CCDC7: variants seen among roughly 807,000 people sequenced by gnomAD.
CCDC7 encodes the protein coiled-coil domain-containing protein 7.
CCDC7 carries 183 observed loss-of-function variants against 196.9 expected under a neutral mutation model. The observed-to-expected ratio is 0.93, with a 90% CI of 0.82 to 1.05. The LOEUF (loss-of-function observed/expected upper bound fraction) is 1.05. Ranked by LOEUF, CCDC7 falls within the 50% of genes least tolerant of loss-of-function variation. The pLI, the probability that CCDC7 is intolerant of heterozygous loss-of-function variation, is 0.00. For missense variants in CCDC7, 1,540 were observed against 1,482.2 expected (o/e 1.04, Z -0.64); for synonymous variants, 525 against 484.6 (o/e 1.08, Z -1.10).
intron 41 of CCDC7, among the ~76,000 whole-genome samples, chr10:32,861,758 G>C (rs9418032): frequency 5.9e-5 from 9 of 152,110 alleles, no homozygotes; most frequent in African/African-American, 1.9e-4. Flanking sequence ...AGGCAAAGGA[G>C]ATGAACAGAC....
intron 24 of CCDC7, among the ~76,000 whole-genome samples, chr10:32,707,354 A>C (rs4378295): frequency 0.083 from 12,613 of 152,246 alleles, 569 homozygotes; most frequent in East Asian, 0.16. Flanking sequence ...ACAAACCCAC[A>C]GCCAATATCA....
intron 9 of CCDC7, among the ~76,000 whole-genome samples, chr10:32,496,369 C>T (rs1456005986): frequency 1.3e-5 from 2 of 152,166 alleles, no homozygotes; most frequent in South Asian, 2.1e-4. Context: ...ATTGAATACA[C>T]TTTATTTCTT....
At chr10:32,672,392 G>T (rs1002254837) in intron 21 of CCDC7, among the ~76,000 whole-genome samples, 3 of 152,172 alleles carry the variant, frequency 2.0e-5, no homozygotes, top group African/African-American at 7.2e-5. Context: ...CTGTGACAAC[G>T]ATTCCCAATG....
intron 18 of CCDC7, among the ~76,000 whole-genome samples, chr10:32,624,984 G>GTTTTTTTTTT (rs35752534): frequency 9.7e-5 from 5 of 51,682 alleles, no homozygotes; most frequent in East Asian, 9.0e-4. Flanking sequence ...CTTTGCACAA[G>GTTTTTTTTTT]TTTTTTTTTT....
intron 5 of CCDC7, among the ~76,000 whole-genome samples, chr10:32,469,388 C>T (rs1021435531): frequency 3.9e-5 from 6 of 152,204 alleles, no homozygotes; most frequent in East Asian, 1.9e-4. Context: ...CTCCCAGCAA[C>T]GCAGGGCTAA....
intron 21 of CCDC7, among the ~76,000 whole-genome samples, chr10:32,680,580 G>C (rs921173272): frequency 1.3e-5 from 2 of 151,788 alleles, no homozygotes; most frequent in African/African-American, 4.8e-5. Flanking sequence ...TCCCTCCCCC[G>C]ACAGGCCCCA....
chr10:32,713,853 T>C (rs758657640), intron 25 of CCDC7, among the ~76,000 whole-genome samples: 10 of 152,246 alleles, frequency 6.6e-5, no homozygotes, highest in African/African-American at 2.4e-4. Context: ...ATGCTCAAGA[T>C]TTGCCAGTTA....
At chr10:32,474,019 A>G in exon 8 of CCDC7, 1 of 1,611,246 alleles carries the variant, frequency 6.2e-7, no homozygotes, top group Non-Finnish European at 8.5e-7. Context: ...CTGCAACAGA[A>G]CCACGTAAGT....
chr10:32,611,507 C>G (rs1010692479), intron 18 of CCDC7, among the ~76,000 whole-genome samples: 3 of 152,160 alleles, frequency 2.0e-5, no homozygotes, highest in Non-Finnish European at 4.4e-5. Context: ...TGCCTATGTC[C>G]TGAATGGTAT....
chr10:32,832,807 T>C (rs1301536323), intron 32 of CCDC7, among the ~76,000 whole-genome samples: 1 of 152,078 alleles, frequency 6.6e-6, no homozygotes, highest in African/African-American at 2.4e-5. Flanking sequence ...TCTTAATTGA[T>C]TTAAAATGTA....
intron 32 of CCDC7, among the ~76,000 whole-genome samples, chr10:32,831,261 G>C (rs964256249): frequency 6.6e-6 from 1 of 150,476 alleles, no homozygotes; most frequent in Non-Finnish European, 1.5e-5. Flanking sequence ...CCTGTGTAGA[G>C]CACTTACCAT....
intron 41 of CCDC7, among the ~76,000 whole-genome samples, chr10:32,874,664 T>C (rs1342027911): frequency 1.3e-5 from 2 of 150,654 alleles, no homozygotes; most frequent in Non-Finnish European, 2.9e-5. Context: ...TATGTATATA[T>C]ATATATACAT....
At chr10:32,782,920 G>A (rs1055862416) in intron 29 of CCDC7, among the ~76,000 whole-genome samples, 1 of 152,058 alleles carries the variant, frequency 6.6e-6, no homozygotes, top group Non-Finnish European at 1.5e-5. Context: ...TTCCACAAAC[G>A]GTGCTTTCAC....
At chr10:32,628,530 C>A (rs1180629335) in intron 18 of CCDC7, among the ~76,000 whole-genome samples, 1 of 151,578 alleles carries the variant, frequency 6.6e-6, no homozygotes, top group African/African-American at 2.4e-5. Context: ...TTATTATTTC[C>A]TTTTTCTGCT....
intron 25 of CCDC7, among the ~76,000 whole-genome samples, chr10:32,713,136 A>G (rs1416210159): frequency 6.6e-6 from 1 of 152,200 alleles, no homozygotes; most frequent in Non-Finnish European, 1.5e-5. Flanking sequence ...TTAACTAGTA[A>G]TATATTCAGT....
rs143359240 is a variant in CCDC7 at position 32,472,494 on chromosome 10, C to G, written c.691C>G (p.Arg231Gly). Residue 231 changes from arginine (R) to glycine (G), a missense_variant, in exon 7 of 42, where the codon CGA becomes GGA. Arg to Gly is a moderately radical substitution (Grantham distance 125). Coordinates refer to ENST00000639629, the Ensembl canonical transcript of CCDC7. ...GAACTTTAACAGGGATAAAGAAAAT[C>G]GACCAGAAGCAGTGAAAAGTTGTGA... 2,124 of 1,582,786 alleles carry G rather than the reference C, an allele frequency of 1.3e-3. 27 individuals carry two copies. The African/African-American group carries it at 0.026, about 19-fold the overall frequency.
chr10:32,651,844 A>T (rs1389363483), intron 20 of CCDC7, among the ~76,000 whole-genome samples: 1 of 152,172 alleles, frequency 6.6e-6, no homozygotes, highest in African/African-American at 2.4e-5. Flanking sequence ...GTTTATGGTC[A>T]TGCTGACATT....
exon 6 of CCDC7, chr10:32,471,086 T>C (rs1431061127): frequency 6.2e-7 from 1 of 1,605,922 alleles, no homozygotes; most frequent in Non-Finnish European, 8.5e-7. Context: ...CAAACTCTTT[T>C]ACAAGCAGAG....
chr10:32,762,644 T>C (rs1464287886), intron 28 of CCDC7, among the ~76,000 whole-genome samples: 1 of 151,646 alleles, frequency 6.6e-6, no homozygotes, highest in Non-Finnish European at 1.5e-5. Flanking sequence ...AAAACAACTA[T>C]GGTACTGGTA....
Sources: allele counts gnomAD v4.1 joint callset (sites outside exome capture counted in the v4.1 genomes callset), GRCh38; gene constraint gnomAD v4.1.1; transcripts MANE v1.5; gene names NCBI Gene and HGNC (gene_info 2026-07-23, HGNC 2026-07-21).